Variants in BCAP29 observed in about 807,000 individuals in gnomAD.
BCAP29 encodes B-cell receptor-associated protein 29.
BCAP29 carries 34 observed loss-of-function variants against 31.8 expected under a neutral mutation model. The ratio of observed to expected loss-of-function variants is 1.07; its 90% CI spans 0.81 to 1.42. The LOEUF is 1.42. Among genes scored for constraint, BCAP29 ranks in the 40% most tolerant of loss-of-function variants. The pLI is 0.00. For missense variants in BCAP29, 314 were observed against 269.2 expected, an observed-to-expected ratio of 1.17 and a Z score of -1.16; for synonymous variants, 104 against 91.3, an observed-to-expected ratio of 1.14 and a Z score of -0.79.
At chr7:107,594,308 CCT>C (rs1164563740) in intron 4 of BCAP29, 11 of 536,726 alleles carry the variant, frequency 2.0e-5, no homozygotes, top group South Asian at 1.7e-4. Flanking sequence ...GCCTCTTCAA[CCT>C]CTCATTTCTA....
intron 5 of BCAP29, chr7:107,600,169 A>G (rs936314886): frequency 8.2e-5 from 44 of 539,028 alleles, no homozygotes; most frequent in Non-Finnish European, 1.5e-4. Flanking sequence ...AGAAATTCTT[A>G]TGTTCATTTT....
intron 6 of BCAP29, among the ~76,000 whole-genome samples, chr7:107,611,989 T>G (rs1245947722): frequency 6.6e-6 from 1 of 152,188 alleles, no homozygotes; most frequent in East Asian, 1.9e-4. Flanking sequence ...TGTAGAACAT[T>G]TGACAATACT....
In BCAP29 at chr7:107,583,866, T is replaced by C; in HGVS notation, c.93-16T>C. 1 of 1,395,834 alleles carries C rather than the reference T, an allele frequency of 7.2e-7. No individual in the cohort carries two copies. The highest frequency in any genetic ancestry group is 1.5e-5 in the African/African-American group (1 of 68,704). The allele number at this position is 1,395,834 out of a possible 1,614,324, so 86.5% of individuals were successfully genotyped here. ...TTTAGTTTTTTTATACCTAATATAA[T>C]TGTATTGCTTTACAGATGGCAGAAG... On this transcript the variant is annotated splice_polypyrimidine_tract_variant and intron_variant, in intron 2 of 7. Coordinates refer to ENST00000005259, the MANE Select transcript of BCAP29 (RefSeq NM_018844.4).
At chr7:107,588,962 A>G (rs534786767) in intron 3 of BCAP29, among the ~76,000 whole-genome samples, 1 of 152,344 alleles carries the variant, frequency 6.6e-6, no homozygotes, top group Admixed American at 6.5e-5. Flanking sequence ...AGTTTGGAGT[A>G]TGAGCCTCAT....
chr7:107,600,990 C>G (rs1183112590), intron 6 of BCAP29, among the ~76,000 whole-genome samples: 1 of 152,114 alleles, frequency 6.6e-6, no homozygotes, highest in Non-Finnish European at 1.5e-5. Context: ...TCTGGGATGT[C>G]AGCTAAGAAT....
chr7:107,580,595 C>A, intron 1 of BCAP29, 164 bp from the exon 2 acceptor site: 1 of 537,172 alleles, frequency 1.9e-6, no homozygotes, highest in Non-Finnish European at 3.2e-6. Flanking sequence ...CACCCGCTTC[C>A]CGGGCCACCC....
intron 5 of BCAP29, among the ~76,000 whole-genome samples, chr7:107,599,260 T>TATATATATAATTTTTA (rs1810596898): frequency 8.6e-6 from 1 of 116,724 alleles, no homozygotes; most frequent in African/African-American, 4.1e-5. Context: ...TATATAATTT[T>TATATATATAATTTTTA]TATATATATA....
At chr7:107,613,898 A>T (rs1813677244) in intron 7 of BCAP29, among the ~76,000 whole-genome samples, 1 of 152,208 alleles carries the variant, frequency 6.6e-6, no homozygotes, top group Admixed American at 6.5e-5. Flanking sequence ...AAAGATGGAA[A>T]TGGGAAAAAA....
chr7:107,608,205 A>C (rs1194694599), intron 6 of BCAP29, among the ~76,000 whole-genome samples: 1 of 139,104 alleles, frequency 7.2e-6, no homozygotes, highest in East Asian at 1.9e-4. Flanking sequence ...TGGATTAAAA[A>C]AAAAAAAATA....
At chr7:107,600,935 A>G (rs1811064704) in intron 6 of BCAP29, among the ~76,000 whole-genome samples, 1 of 152,238 alleles carries the variant, frequency 6.6e-6, no homozygotes, top group African/African-American at 2.4e-5. Flanking sequence ...ACATAAGGAA[A>G]GCGTTCCTTG....
chr7:107,589,800 CAT>C (rs560451551), intron 3 of BCAP29, among the ~76,000 whole-genome samples: 171 of 152,268 alleles, frequency 1.1e-3, no homozygotes, highest in African/African-American at 3.9e-3. Flanking sequence ...GGATTGGAAT[CAT>C]ATAGAGTATG....
chr7:107,590,600 T>A (rs1436770948), intron 3 of BCAP29, among the ~76,000 whole-genome samples: 1 of 152,060 alleles, frequency 6.6e-6, no homozygotes, highest in East Asian at 1.9e-4. Context: ...GGCAGATTGC[T>A]CAAGCTCAGG....
At chr7:107,612,426 T>TATATAG in intron 6 of BCAP29, among the ~76,000 whole-genome samples, 1 of 44,614 alleles carries the variant, frequency 2.2e-5, no homozygotes. Context: ...TATATATATA[T>TATATAG]ATATATATAT....
At chr7:107,612,093 A>T (rs1813228180) in intron 6 of BCAP29, among the ~76,000 whole-genome samples, 1 of 152,116 alleles carries the variant, frequency 6.6e-6, no homozygotes, top group African/African-American at 2.4e-5. Context: ...AAGAGAAAAG[A>T]TTGTTTATAA....
At chr7:107,610,955 A>G (rs1813012641) in intron 6 of BCAP29, among the ~76,000 whole-genome samples, 1 of 152,192 alleles carries the variant, frequency 6.6e-6, no homozygotes, top group Admixed American at 6.5e-5. Context: ...CTTATAAACA[A>G]CAGAAATTTA....
chr7:107,583,899 C>A lies in BCAP29; in HGVS notation c.110C>A (p.Ser37Ter). The A allele has an allele frequency of 6.4e-7, 1 of 1,566,020 alleles. No homozygotes were observed. Among genetic ancestry groups the A allele is most frequent in the South Asian group, 1.2e-5 (1 of 82,318 alleles). ...IPPQRWQKIF[S>*]FNVWGKIATF... is the part of the protein sequence containing the mutation. Reference sequence around the variant, plus strand: ...CTTTACAGATGGCAGAAGATTTTTTCATTTAATGTCTGGGGTAAAATTGCA... The same window carrying A: ...CTTTACAGATGGCAGAAGATTTTTTAATTTAATGTCTGGGGTAAAATTGCA... Residue 37 changes from serine (S) to a stop codon, truncating the protein, a stop_gained, in exon 3 of 8, where the codon TCA (serine) becomes TAA (stop). Transcript: ENST00000005259. LOFTEE classifies it high-confidence loss of function.
chr7:107,621,338 A>G (rs1201236125), downstream of BCAP29: 1 of 183,258 alleles, frequency 5.5e-6, no homozygotes, highest in Non-Finnish European at 1.1e-5. Context: ...TCTTTTTCTA[A>G]CATTTCTTTG....
chr7:107,605,279 T>C (rs1811883865), intron 6 of BCAP29, among the ~76,000 whole-genome samples: 1 of 152,220 alleles, frequency 6.6e-6, no homozygotes, highest in South Asian at 2.1e-4. Flanking sequence ...CATAACGATA[T>C]CTACCCTGAG....
intron 3 of BCAP29, 79 bp downstream of exon 3, chr7:107,584,061 C>T: frequency 3.8e-6 from 3 of 790,710 alleles, no homozygotes; most frequent in Non-Finnish European, 5.8e-6. Flanking sequence ...GTTGATGTTA[C>T]AATTGGTGTA....
Sources: gnomAD v4.1 joint callset for allele counts (sites outside exome capture counted in the v4.1 genomes callset) on GRCh38, gnomAD v4.1.1 for gene constraint, MANE v1.5 for transcripts, NCBI Gene and HGNC (gene_info 2026-07-23, HGNC 2026-07-21) for gene names.